The following KCNN2 variants were observed in gnomAD, a reference collection of about 807,000 sequenced individuals.
KCNN2 encodes the protein small conductance calcium-activated potassium channel protein 2.
Under a neutral mutation model 55.5 loss-of-function variants are expected in KCNN2, and 24 were observed. That is an observed-to-expected ratio of 0.43 (90% CI 0.31 to 0.61). The LOEUF (loss-of-function observed/expected upper bound fraction) is 0.61, where lower values mean the gene tolerates loss of function less well. Ranked by LOEUF, KCNN2 falls within the 20% of genes least tolerant of loss-of-function variation. KCNN2 has a pLI of 0.08. For synonymous variants in KCNN2, 431 were observed against 336.1 expected (o/e 1.28, Z -3.09); for missense variants, 754 against 853.6 (o/e 0.88, Z 1.45).
chr5:114,190,849 T>C (rs1420346293), intron 1 of KCNN2, among the ~76,000 whole-genome samples: 3 of 152,142 alleles, frequency 2.0e-5, no homozygotes, highest in Non-Finnish European at 4.4e-5. Context: ...ATGCTTGTAG[T>C]GATTTTTATT....
chr5:114,144,959 T>C (rs1350626746), intron 1 of KCNN2, among the ~76,000 whole-genome samples: 1 of 152,148 alleles, frequency 6.6e-6, no homozygotes, highest in Non-Finnish European at 1.5e-5. Flanking sequence ...AATAGTAGTG[T>C]AAATCAATCT....
chr5:114,189,435 C>T (rs1753405044), intron 1 of KCNN2, among the ~76,000 whole-genome samples: 1 of 152,066 alleles, frequency 6.6e-6, no homozygotes, highest in African/African-American at 2.4e-5. Flanking sequence ...TGAGGCCACC[C>T]ACATTAGGGA....
chr5:114,291,820 G>A (rs181149560), intron 2 of KCNN2, among the ~76,000 whole-genome samples: 368 of 152,284 alleles, frequency 2.4e-3, no homozygotes, highest in African/African-American at 8.5e-3. Context: ...GTGTAAAAGT[G>A]TTCCTATTTC....
Position 114,407,787 on chromosome 5 carries a change from A to G in KCNN2, c.1637+2931A>G, listed in dbSNP as rs185492553. Among the ~76,000 whole-genome samples the G allele has an allele frequency of 1.4e-4, 21 of 152,346 alleles. No homozygotes were observed. In the East Asian group the frequency reaches 3.9e-3, roughly 28 times the overall value. On this transcript the variant is annotated intron_variant, in intron 3 of 7. Transcript: ENST00000673685. ...AACACAGGGCAAAGAAGAGGTCTCA[A>G]CAGTTACTATGCAAGCATTTGCTTG...
intron 1 of KCNN2, among the ~76,000 whole-genome samples, chr5:114,074,958 T>G (rs1750656280): frequency 6.6e-6 from 1 of 152,200 alleles, no homozygotes; most frequent in Non-Finnish European, 1.5e-5. Context: ...AAGTTATGGG[T>G]GTACATCCTG....
chr5:114,353,613 T>C (rs552516158), intron 2 of KCNN2, among the ~76,000 whole-genome samples: 55 of 152,002 alleles, frequency 3.6e-4, no homozygotes, highest in Non-Finnish European at 6.2e-4. Flanking sequence ...AAGCTTTCTT[T>C]AGCATTTCTG....
chr5:114,162,717 C>T (rs561089880), intron 1 of KCNN2, among the ~76,000 whole-genome samples: 2 of 152,294 alleles, frequency 1.3e-5, no homozygotes, highest in Admixed American at 6.5e-5. Context: ...ACCCCTCCCC[C>T]AGCCTCGCTG....
chr5:114,145,214 T>G (rs1339854915), intron 1 of KCNN2, among the ~76,000 whole-genome samples: 2 of 152,210 alleles, frequency 1.3e-5, no homozygotes, highest in Non-Finnish European at 2.9e-5. Context: ...AGTAATATTA[T>G]AGAGAAAATG....
chr5:114,145,266 C>T (rs1329427529), intron 1 of KCNN2, among the ~76,000 whole-genome samples: 4 of 152,134 alleles, frequency 2.6e-5, no homozygotes, highest in African/African-American at 9.7e-5. Context: ...AGTAATATGA[C>T]CTTTAGGAGC....
At chr5:114,092,461 C>T (rs1751164703) in intron 1 of KCNN2, among the ~76,000 whole-genome samples, 1 of 152,158 alleles carries the variant, frequency 6.6e-6, no homozygotes, top group Admixed American at 6.5e-5. Context: ...TGCAAGCTGT[C>T]AATGGATCTG....
chr5:114,349,503 T>G (rs1291549487), intron 2 of KCNN2, among the ~76,000 whole-genome samples: 2 of 152,036 alleles, frequency 1.3e-5, no homozygotes, highest in Non-Finnish European at 2.9e-5. Context: ...AATTATGTGT[T>G]TAGACTTGGG....
intron 2 of KCNN2, among the ~76,000 whole-genome samples, chr5:114,388,532 A>G (rs1356042832): frequency 6.6e-6 from 1 of 152,072 alleles, no homozygotes; most frequent in Non-Finnish European, 1.5e-5. Context: ...AATTAATCAT[A>G]TGGTTATGTT....
rs1757468931 is a variant in KCNN2, at chr5:114,362,712, G to C, written c.573G>C (p.Pro191=). 1 of 1,497,696 alleles carries C rather than the reference G, an allele frequency of 6.7e-7. No homozygotes were observed. Among genetic ancestry groups the C allele is most frequent in the Non-Finnish European group, 8.8e-7 (1 of 1,132,928 alleles). The allele number at this position is 1,497,696 out of a possible 1,614,324, so 92.8% of individuals were successfully genotyped here. ...PLSHHHHHPH[P]AHHQHHQPQA... is the part of the protein sequence containing the mutation. ...CGCACCACCACCACCACCCGCACCC[G>C]GCGCACCACCAGCACCACCAGCCCC... Residue 191 remains proline, a synonymous_variant, in exon 1 of 8, where the codon CCG becomes CCC. Transcript: ENST00000673685.
Position 114,183,868 on chromosome 5 carries a change from G to A in KCNN2, c.-270-37612G>A, listed in dbSNP as rs917358701. On this transcript the variant is annotated intron_variant, in intron 1 of 10. Coordinates refer to the KCNN2 transcript ENST00000512097. ...TTATTATTTTTTTCTGATTGTTGCT[G>A]TTTTCTGTTTTCTATCTATTTTGAA... Among the ~76,000 whole-genome samples the A allele has an allele frequency of 3.3e-5, 5 of 150,906 alleles. No individual in the cohort carries two copies. In the East Asian group the frequency reaches 9.8e-4, roughly 30 times the overall value.
At chr5:114,247,205 A>AG (rs1275282441) in intron 2 of KCNN2, among the ~76,000 whole-genome samples, 1 of 144,766 alleles carries the variant, frequency 6.9e-6, no homozygotes, top group Non-Finnish European at 1.5e-5. Context: ...ATGTCTCCAA[A>AG]AAAAAAAAAA....
At chr5:114,324,072 A>G (rs1249202677) in intron 2 of KCNN2, among the ~76,000 whole-genome samples, 5 of 152,370 alleles carry the variant, frequency 3.3e-5, no homozygotes, top group Middle Eastern at 3.4e-3. Flanking sequence ...AGGTATTCAC[A>G]GAGTATGAGC....
chr5:114,472,832 T>C (rs187450346), intron 4 of KCNN2, among the ~76,000 whole-genome samples: 1 of 152,352 alleles, frequency 6.6e-6, no homozygotes, highest in East Asian at 1.9e-4. Context: ...AAATGTTTTT[T>C]CCAAATATGC....
intron 5 of KCNN2, among the ~76,000 whole-genome samples, chr5:114,473,629 C>T (rs764441524): frequency 2.0e-5 from 3 of 152,130 alleles, no homozygotes; most frequent in African/African-American, 4.8e-5. Context: ...CAGGCTCTTT[C>T]CTTGACTTAC....
intron 3 of KCNN2, among the ~76,000 whole-genome samples, chr5:114,419,833 T>TA (rs201108973): frequency 8.5e-4 from 128 of 151,028 alleles, no homozygotes; most frequent in Admixed American, 1.3e-3. Flanking sequence ...TCTGCAAAAG[T>TA]AAAAAAAAAT....
Sources: gnomAD v4.1 joint callset for allele counts (sites outside exome capture counted in the v4.1 genomes callset) on GRCh38, gnomAD v4.1.1 for gene constraint, MANE v1.5 for transcripts, NCBI Gene and HGNC (gene_info 2026-07-23, HGNC 2026-07-21) for gene names.